IL1RAPL1: variants seen among roughly 807,000 people sequenced by gnomAD.
IL1RAPL1 encodes the protein interleukin 1 receptor accessory protein like 1.
A neutral mutation model predicts 48.4 loss-of-function variants in IL1RAPL1; 3 were observed. That is an observed-to-expected ratio of 0.06 (90% confidence interval 0.03 to 0.16). The LOEUF (loss-of-function observed/expected upper bound fraction) is 0.16. Among genes scored for constraint, IL1RAPL1 ranks in the 10% least tolerant of loss-of-function variants. The pLI is 1.00. For synonymous variants in IL1RAPL1, 185 were observed against 187.7 expected (o/e 0.99, Z 0.12); for missense variants, 349 against 530.6 (o/e 0.66, Z 3.36).
intron 1 of IL1RAPL1, among the ~76,000 whole-genome samples, chrX:28,714,020 C>T (rs2146936274): frequency 8.9e-6 from 1 of 111,964 alleles, no homozygotes; most frequent in East Asian, 2.8e-4. Flanking sequence ...ACAGTATTAT[C>T]ACACGTTTTA....
chrX:29,249,046 C>A (rs761768095), intron 2 of IL1RAPL1, among the ~76,000 whole-genome samples: 1 of 110,674 alleles, frequency 9.0e-6, no homozygotes, highest in Non-Finnish European at 1.9e-5. Flanking sequence ...TTCGAAACAA[C>A]GGTTATAGTA....
chrX:29,770,279 G>A (rs1199454651), intron 6 of IL1RAPL1, among the ~76,000 whole-genome samples: 1 of 111,248 alleles, frequency 9.0e-6, no homozygotes, highest in African/African-American at 3.3e-5. Flanking sequence ...ACTCAAGTTC[G>A]GTGCATGTCT....
intron 5 of IL1RAPL1, among the ~76,000 whole-genome samples, chrX:29,475,053 C>A (rs1569319326): frequency 8.9e-6 from 1 of 112,340 alleles, no homozygotes; most frequent in Non-Finnish European, 1.9e-5. Context: ...GACATGGCAC[C>A]ATGCCTGTTA....
At chrX:29,502,888 C>A (rs537928028) in intron 5 of IL1RAPL1, among the ~76,000 whole-genome samples, 2 of 111,600 alleles carry the variant, frequency 1.8e-5, no homozygotes, top group Middle Eastern at 9.2e-3. Context: ...ATTGGTTCTT[C>A]TTCAAATGTT....
intron 6 of IL1RAPL1, among the ~76,000 whole-genome samples, chrX:29,708,566 C>T (rs1292039671): frequency 9.0e-6 from 1 of 111,045 alleles, no homozygotes; most frequent in Non-Finnish European, 1.9e-5. Flanking sequence ...TTTTAAAGGC[C>T]GTATAATATT....
At chrX:28,708,912 C>T (rs1316768299) in intron 1 of IL1RAPL1, among the ~76,000 whole-genome samples, 3 of 111,046 alleles carry the variant, frequency 2.7e-5, no homozygotes, top group Non-Finnish European at 5.7e-5. Context: ...ATATACGTCA[C>T]AAAAATATAT....
intron 1 of IL1RAPL1, among the ~76,000 whole-genome samples, chrX:28,778,675 A>G (rs996189031): frequency 4.5e-5 from 5 of 112,016 alleles, no homozygotes; most frequent in Admixed American, 9.5e-5. Flanking sequence ...ATCCATTTAC[A>G]GTATTTTTTC....
intron 2 of IL1RAPL1, among the ~76,000 whole-genome samples, chrX:28,947,096 C>A (rs1303127788): frequency 2.7e-5 from 3 of 111,449 alleles, no homozygotes; most frequent in African/African-American, 9.8e-5. Context: ...ATGTTGGATA[C>A]CGTTGCTTTC....
chrX:29,487,248 A>G (rs1317477245), intron 5 of IL1RAPL1, among the ~76,000 whole-genome samples: 1 of 111,785 alleles, frequency 8.9e-6, no homozygotes, highest in East Asian at 2.8e-4. Flanking sequence ...CATATTTTAT[A>G]TATACTCATA....
At chrX:29,841,599 A>C (rs1455072059) in intron 6 of IL1RAPL1, among the ~76,000 whole-genome samples, 1 of 111,773 alleles carries the variant, frequency 8.9e-6, no homozygotes, top group Non-Finnish European at 1.9e-5. Flanking sequence ...GAATATAGTG[A>C]TACAAAGATG....
At chrX:28,592,800 C>T (rs1933918486) in intron 1 of IL1RAPL1, among the ~76,000 whole-genome samples, 1 of 111,717 alleles carries the variant, frequency 9.0e-6, no homozygotes, top group South Asian at 3.7e-4. Flanking sequence ...CTTTTCTTTT[C>T]AAGGATTCCC....
At chrX:29,383,754 A>T (rs1355042897) in intron 3 of IL1RAPL1, among the ~76,000 whole-genome samples, 1 of 111,844 alleles carries the variant, frequency 8.9e-6, no homozygotes, top group Admixed American at 9.5e-5. Flanking sequence ...AATTGTATAT[A>T]AAGGAATGGA....
chrX:29,396,922 A>G (rs1163711988), intron 4 of IL1RAPL1, among the ~76,000 whole-genome samples: 1 of 112,092 alleles, frequency 8.9e-6, no homozygotes, highest in African/African-American at 3.2e-5. Context: ...AAACATAAAC[A>G]TTTTAAAGAA....
intron 2 of IL1RAPL1, among the ~76,000 whole-genome samples, chrX:29,106,089 G>A (rs752536135): frequency 8.9e-6 from 1 of 111,936 alleles, no homozygotes; most frequent in East Asian, 2.8e-4. Context: ...TGTTTTTACT[G>A]ATTCCTTGCT....
chrX:29,313,466 C>T (rs1466284499), intron 3 of IL1RAPL1, among the ~76,000 whole-genome samples: 2 of 111,743 alleles, frequency 1.8e-5, no homozygotes, highest in Non-Finnish European at 3.8e-5. Flanking sequence ...CAAGAGTTTC[C>T]TCAGTTTCCT....
intron 5 of IL1RAPL1, among the ~76,000 whole-genome samples, chrX:29,404,884 TG>T (rs773659319): frequency 9.8e-6 from 1 of 101,646 alleles, no homozygotes; most frequent in Non-Finnish European, 2.0e-5. Flanking sequence ...AAAAGAATTT[TG>T]CTGGATATAG....
chrX:29,802,763 A>ATG (rs1361735570), intron 6 of IL1RAPL1, among the ~76,000 whole-genome samples: 2 of 23,885 alleles, frequency 8.4e-5, no homozygotes, highest in Non-Finnish European at 1.4e-4. Context: ...ATATATATAT[A>ATG]TATATATATA....
chrX:29,112,577 T>C (rs772630942), intron 2 of IL1RAPL1, among the ~76,000 whole-genome samples: 1 of 109,386 alleles, frequency 9.1e-6, no homozygotes, highest in African/African-American at 3.3e-5. Flanking sequence ...CTGTATCACA[T>C]GTATTAGAAT....
At chrX:29,646,901 C>T (rs866004581) in intron 5 of IL1RAPL1, among the ~76,000 whole-genome samples, 1 of 111,270 alleles carries the variant, frequency 9.0e-6, no homozygotes. Flanking sequence ...ACTTCCCAGG[C>T]AAACAAAAGT....
Sources: gnomAD v4.1 joint callset for allele counts (sites outside exome capture counted in the v4.1 genomes callset) on GRCh38, gnomAD v4.1.1 for gene constraint, MANE v1.5 for transcripts, NCBI Gene and HGNC (gene_info 2026-07-23, HGNC 2026-07-21) for gene names.